ATP5F1A: variants seen among roughly 807,000 people sequenced by gnomAD.
ATP5F1A encodes ATP synthase F(1) complex subunit alpha, mitochondrial.
Under a neutral mutation model 57.4 loss-of-function variants are expected in ATP5F1A, and 24 were observed. The observed-to-expected ratio is 0.42, with a 90% CI of 0.30 to 0.59. The LOEUF is 0.59. ATP5F1A is among the 20% of genes least tolerant of loss of function. The probability of loss-of-function intolerance (pLI) is 0.19; values close to 1 mark genes in which losing one functional copy is unlikely to be tolerated. For missense variants in ATP5F1A, 494 were observed against 707.9 expected (o/e 0.70, Z 3.43); for synonymous variants, 251 against 255.5 (o/e 0.98, Z 0.17).
chr18:46,101,576 G>A (rs1911275631), upstream of ATP5F1A, among the ~76,000 whole-genome samples: 2 of 150,470 alleles, frequency 1.3e-5, no homozygotes, highest in South Asian at 4.2e-4. Context: ...ACAGGAGTGA[G>A]ACTATCTCAA....
rs1427937552 is a variant in ATP5F1A at position 46,086,948 on chromosome 18, C to G, written c.1176+60G>C. 11 of 1,552,556 alleles carry G rather than the reference C, an allele frequency of 7.1e-6. No homozygotes were observed. In the Admixed American group the frequency reaches 1.6e-4, roughly 22 times the overall value. ...TCAGTCAATATACCATTAGTCTCAA[C>G]CAATGCCTTAGAATTATCCAAATCT... On this transcript the variant is annotated intron_variant, in intron 8 of 11. Coordinates refer to ENST00000398752, the MANE Select transcript of ATP5F1A (RefSeq NM_004046.6).
Position 46,088,117 on chromosome 18 carries a change from G to T in ATP5F1A, c.791C>A (p.Thr264Lys). Residue 264 changes from threonine to lysine, a missense_variant, in exon 6 of 12, where the codon ACA (threonine) becomes AAA (lysine). Transcript: ENST00000398752. ...STVAQLVKRL[T>K]DADAMKYTIV... ...TAAATTTCTTTTAATACCTGCATCT[G>T]TAAGTCTCTTCACCAACTGGGCAAC... The T allele has an allele frequency of 6.3e-7, 1 of 1,596,160 alleles. No individual in the cohort carries two copies. The highest frequency in any genetic ancestry group is 8.5e-7 in the Non-Finnish European group (1 of 1,176,614).
intron 10 of ATP5F1A, 48 bp downstream of exon 10, chr18:46,086,065 C>T: frequency 1.9e-6 from 3 of 1,593,340 alleles, no homozygotes; most frequent in Non-Finnish European, 2.6e-6. Context: ...CTGGGAAGAC[C>T]CTGATACACA....
Position 46,081,654 on chromosome 18 carries a change from A to C in ATP5F1A, c.*2628T>G, listed in dbSNP as rs1390008936. Reference sequence around the variant, plus strand: ...ACTCCAGCCTGGGCAACAAGAGCAAAACTCTCAAAAAAAAAAAACAAAAAA... The same window carrying C: ...ACTCCAGCCTGGGCAACAAGAGCAACACTCTCAAAAAAAAAAAACAAAAAA... On this transcript the variant is annotated 3_prime_UTR_variant, in exon 12 of 12. Transcript: ENST00000398752. 2 of 144,406 alleles carry C rather than the reference A, an allele frequency of 1.4e-5. No homozygotes were observed. Among genetic ancestry groups the C allele is most frequent in the Non-Finnish European group, 3.0e-5 (2 of 66,302 alleles). 8.9% of individuals were successfully genotyped at this position (144,406 alleles called of 1,614,324 possible).
At chr18:46,091,943 C>T (rs1177124788) in intron 2 of ATP5F1A, 92 bp from the exon 3 acceptor site, 4 of 1,261,290 alleles carry the variant, frequency 3.2e-6, no homozygotes, top group Non-Finnish European at 4.3e-6. Context: ...GAGGCTGAGG[C>T]AGGCAGATCA....
chr18:46,089,688 G>C lies in ATP5F1A; in HGVS notation c.528C>G (p.Ala176=). 6.2e-7 allele frequency: 1 copy of C among 1,614,080 alleles called. No individual in the cohort carries two copies. Residue 176 remains alanine, a synonymous_variant, in exon 5 of 12, where the codon GCC becomes GCG. Transcript: ENST00000398752. ...CTGAAATTCGAGGAATGATACCGGG[G>C]GCTTTCAGACCAACTCGCCTACGCG... ...SKTRRRVGLK[A]PGIIPRISVR... is the part of the protein sequence containing the mutation.
At chr18:46,098,374 C>T, upstream of ATP5F1A, 1 of 1,223,070 alleles carries the variant, frequency 8.2e-7, no homozygotes, top group Non-Finnish European at 1.1e-6. Flanking sequence ...CACCTCTCCC[C>T]CCGCCCCCGC....
intron 6 of ATP5F1A, chr18:46,087,895 G>GA (rs1398801746): frequency 1.8e-6 from 1 of 555,432 alleles, no homozygotes; most frequent in African/African-American, 2.0e-5. Context: ...AACAAAAAAA[G>GA]AGTTAATCAG....
intron 2 of ATP5F1A, among the ~76,000 whole-genome samples, chr18:46,094,150 G>T (rs535915916): frequency 7.4e-6 from 1 of 135,836 alleles, no homozygotes; most frequent in African/African-American, 2.9e-5. Flanking sequence ...TGAACGTGGG[G>T]GTGTGTGTAC....
At chr18:46,096,026 C>T (rs1910922769) in intron 1 of ATP5F1A, among the ~76,000 whole-genome samples, 1 of 151,748 alleles carries the variant, frequency 6.6e-6, no homozygotes, top group Admixed American at 6.6e-5. Flanking sequence ...GTAGCTGGGA[C>T]TACAGGCGAC....
At chr18:46,102,604 G>A (rs1487693547), upstream of ATP5F1A, among the ~76,000 whole-genome samples, 1 of 152,112 alleles carries the variant, frequency 6.6e-6, no homozygotes, top group Non-Finnish European at 1.5e-5. Context: ...GAATATAGGT[G>A]TGAGGCACCG....
At chr18:46,101,802 G>T (rs952320994), upstream of ATP5F1A, among the ~76,000 whole-genome samples, 1 of 150,366 alleles carries the variant, frequency 6.7e-6, no homozygotes, top group African/African-American at 2.5e-5. Context: ...TGAGGCACGA[G>T]AATCACTTAA....
intron 6 of ATP5F1A, 175 bp from the exon 7 acceptor site, chr18:46,087,667 G>A (rs1357954900): frequency 5.8e-6 from 4 of 691,336 alleles, no homozygotes; most frequent in Non-Finnish European, 9.6e-6. Context: ...ATCACCTGAG[G>A]TCAGGAGTTC....
At chr18:46,099,723 T>C (rs2144229370), upstream of ATP5F1A, among the ~76,000 whole-genome samples, 1 of 152,306 alleles carries the variant, frequency 6.6e-6, no homozygotes, top group South Asian at 2.1e-4. Context: ...GCCTCTGCGC[T>C]GGGCCCGCTT....
rs33919884 is a variant in ATP5F1A at position 46,084,835 on chromosome 18, AAC to A, written c.1430-183_1430-182del. 207,494 of 569,314 alleles carry A rather than the reference AAC, an allele frequency of 0.36. 41,775 individuals carry two copies. The highest frequency in any genetic ancestry group is 0.47 in the Middle Eastern group (1,322 of 2,790). 35.3% of individuals were successfully genotyped at this position (569,314 alleles called of 1,614,324 possible). On this transcript the variant is annotated intron_variant, in intron 10 of 11. Coordinates refer to ENST00000398752, the MANE Select transcript of ATP5F1A (RefSeq NM_004046.6). Reference sequence around the variant, plus strand: ...ATCCTTCCTCCCACCCCTGACAGAAAACAGTTATTTCTTATATTTTCAAGGCT... The same window carrying A: ...ATCCTTCCTCCCACCCCTGACAGAAAAGTTATTTCTTATATTTTCAAGGCT...
Position 46,091,869 on chromosome 18 carries a change from A to G in ATP5F1A, c.140-18T>C. ...AGCAGTCCCTATGGAAGACAATTCA[A>G]TTCAATTAAAAAAATAATCTGGGCC... On this transcript the variant is annotated intron_variant, in intron 2 of 11. Transcript: ENST00000398752. 1.2e-6 allele frequency: 2 copies of G among 1,600,116 alleles called. No homozygotes were observed. Among genetic ancestry groups the G allele is most frequent in the Non-Finnish European group, 1.7e-6 (2 of 1,175,194 alleles).
At chr18:46,092,617 TTATATA>T (rs10524147) in intron 2 of ATP5F1A, among the ~76,000 whole-genome samples, 15,787 of 146,436 alleles carry the variant, frequency 0.11, 1,096 homozygotes, top group East Asian at 0.39. Context: ...CACACAAAAA[TTATATA>T]TATATATATA....
intron 1 of ATP5F1A, among the ~76,000 whole-genome samples, chr18:46,103,551 A>C (rs1352613677): frequency 7.0e-6 from 1 of 142,116 alleles, no homozygotes; most frequent in East Asian, 2.2e-4. Context: ...CAGTGAGCTG[A>C]GAGCCGAGAG....
intron 2 of ATP5F1A, among the ~76,000 whole-genome samples, chr18:46,094,166 CACACACACACACACACACACATAT>C (rs1330671222): frequency 6.5e-4 from 39 of 60,094 alleles, no homozygotes; most frequent in African/African-American, 1.9e-3. Flanking sequence ...TGTACACATA[CACACACACACACACACACACATAT>C]ACACACACAC....
Sources: allele counts gnomAD v4.1 joint callset (sites outside exome capture counted in the v4.1 genomes callset), GRCh38; gene constraint gnomAD v4.1.1; transcripts MANE v1.5; gene names NCBI Gene and HGNC (gene_info 2026-07-23, HGNC 2026-07-21).